The following LIN52 variants were observed in gnomAD, a reference collection of about 807,000 sequenced individuals.
LIN52 encodes the protein protein lin-52 homolog.
A neutral mutation model predicts 18.5 loss-of-function variants in LIN52; 4 were observed. The ratio of observed to expected loss-of-function variants is 0.22; its 90% confidence interval spans 0.11 to 0.49. The LOEUF (loss-of-function observed/expected upper bound fraction) is 0.49, where lower values mean the gene tolerates loss of function less well. LIN52 is among the 20% of genes least tolerant of loss of function. The pLI is 0.97. For synonymous variants in LIN52, 34 were observed against 45.5 expected, an observed-to-expected ratio of 0.75 and a Z score of 1.02; for missense variants, 102 against 139.5, an observed-to-expected ratio of 0.73 and a Z score of 1.35.
At chr14:74,177,346 G>A (rs2139581292) in intron 5 of LIN52, among the ~76,000 whole-genome samples, 1 of 152,228 alleles carries the variant, frequency 6.6e-6, no homozygotes, top group Non-Finnish European at 1.5e-5. Context: ...GAACATTCAT[G>A]TACAAGTTTT....
At chr14:74,087,925 T>C (rs2060745804) in intron 1 of LIN52, among the ~76,000 whole-genome samples, 1 of 152,030 alleles carries the variant, frequency 6.6e-6, no homozygotes, top group Non-Finnish European at 1.5e-5. Context: ...TTTTTTAACT[T>C]TCTTTTAGAG....
intron 5 of LIN52, among the ~76,000 whole-genome samples, chr14:74,169,697 C>A (rs778983594): frequency 2.0e-5 from 3 of 152,134 alleles, no homozygotes; most frequent in South Asian, 2.1e-4. Context: ...TATCATAGTA[C>A]CCCCTTTTAA....
intron 2 of LIN52, among the ~76,000 whole-genome samples, chr14:74,091,773 C>CAAA (rs573705378): frequency 6.1e-5 from 4 of 65,274 alleles, no homozygotes; most frequent in Admixed American, 1.9e-4. Flanking sequence ...GACTCTGTCT[C>CAAA]AAAAAAAAAA....
intron 5 of LIN52, among the ~76,000 whole-genome samples, chr14:74,189,145 C>G (rs574307557): frequency 1.2e-4 from 19 of 152,292 alleles, no homozygotes; most frequent in African/African-American, 4.1e-4. Context: ...GATCAAGTCA[C>G]TTTGACTAGT....
chr14:74,101,264 A>G (rs1418002771), intron 5 of LIN52, 26 bp downstream of exon 5: 6 of 1,552,390 alleles, frequency 3.9e-6, no homozygotes, highest in South Asian at 1.2e-5. Flanking sequence ...GCATTTGTTC[A>G]GGGGTGTATT....
At chr14:74,100,756 A>ACCATGCCTGGT (rs1270751148) in intron 4 of LIN52, among the ~76,000 whole-genome samples, 1 of 152,110 alleles carries the variant, frequency 6.6e-6, no homozygotes, top group Non-Finnish European at 1.5e-5. Flanking sequence ...GATTACAGGC[A>ACCATGCCTGGT]TGAGCCACCA....
intron 5 of LIN52, among the ~76,000 whole-genome samples, chr14:74,112,103 C>G (rs552315255): frequency 3.9e-5 from 6 of 152,302 alleles, no homozygotes; most frequent in African/African-American, 1.4e-4. Context: ...TGGTCTTGAA[C>G]TCCTGAACTC....
chr14:74,121,553 A>G (rs1182851834), intron 5 of LIN52, among the ~76,000 whole-genome samples: 2 of 152,238 alleles, frequency 1.3e-5, no homozygotes, highest in African/African-American at 4.8e-5. Context: ...AAATAGTTAA[A>G]GAAAATAGTT....
intron 1 of LIN52, among the ~76,000 whole-genome samples, chr14:74,090,219 A>G (rs554314424): frequency 2.6e-5 from 4 of 152,080 alleles, no homozygotes; most frequent in African/African-American, 4.8e-5. Context: ...GGGTTTCACT[A>G]TGTTGGCCAG....
chr14:74,095,678 A>G (rs566151198), intron 2 of LIN52, among the ~76,000 whole-genome samples: 10 of 152,284 alleles, frequency 6.6e-5, no homozygotes, highest in Admixed American at 2.0e-4. Flanking sequence ...CCAACCAGCT[A>G]ACTCCTGGTC....
At chr14:74,194,979 T>C (rs977928474) in intron 5 of LIN52, among the ~76,000 whole-genome samples, 1 of 152,104 alleles carries the variant, frequency 6.6e-6, no homozygotes, top group African/African-American at 2.4e-5. Context: ...AACCTGTCTG[T>C]ACCAAAAATA....
chr14:74,195,767 G>T (rs901867474), intron 5 of LIN52, among the ~76,000 whole-genome samples: 2 of 152,150 alleles, frequency 1.3e-5, no homozygotes, highest in Admixed American at 6.5e-5. Flanking sequence ...CACTAGGTTT[G>T]GGGGGGTTCG....
chr14:74,106,472 A>G (rs1180691516), intron 5 of LIN52, among the ~76,000 whole-genome samples: 1 of 152,006 alleles, frequency 6.6e-6, no homozygotes, highest in Non-Finnish European at 1.5e-5. Flanking sequence ...AGGTCTCACT[A>G]TGTTGCCCAG....
At chr14:74,117,537 G>T (rs1013759530) in intron 5 of LIN52, among the ~76,000 whole-genome samples, 1 of 152,044 alleles carries the variant, frequency 6.6e-6, no homozygotes, top group Non-Finnish European at 1.5e-5. Context: ...GAGAACTAAA[G>T]TGATTACAAA....
intron 5 of LIN52, among the ~76,000 whole-genome samples, chr14:74,188,386 G>A (rs993413166): frequency 6.6e-6 from 1 of 152,010 alleles, no homozygotes; most frequent in Non-Finnish European, 1.5e-5. Context: ...GACATTTGAT[G>A]TATCTTGGGC....
intron 5 of LIN52, among the ~76,000 whole-genome samples, chr14:74,103,268 G>A (rs2060871843): frequency 1.3e-5 from 2 of 151,924 alleles, no homozygotes; most frequent in Non-Finnish European, 1.5e-5. Flanking sequence ...TAGTAGAGAT[G>A]GGGTTTCACC....
intron 5 of LIN52, among the ~76,000 whole-genome samples, chr14:74,134,348 T>G (rs2061085658): frequency 6.6e-6 from 1 of 152,190 alleles, no homozygotes; most frequent in Admixed American, 6.5e-5. Flanking sequence ...GTGCTTGCTT[T>G]GATTTGCATT....
chr14:74,184,631 A>T (rs867672568), intron 5 of LIN52, among the ~76,000 whole-genome samples: 1 of 152,216 alleles, frequency 6.6e-6, no homozygotes, highest in African/African-American at 2.4e-5. Context: ...AATAACGGTA[A>T]TGATAATAAC....
intron 5 of LIN52, among the ~76,000 whole-genome samples, chr14:74,104,576 A>G (rs1490184591): frequency 6.8e-6 from 1 of 148,140 alleles, no homozygotes; most frequent in East Asian, 2.0e-4. Context: ...AGAAGCTTGC[A>G]CAGATACAGG....
Sources: gnomAD v4.1 joint callset for allele counts (sites outside exome capture counted in the v4.1 genomes callset) on GRCh38, gnomAD v4.1.1 for gene constraint, MANE v1.5 for transcripts, NCBI Gene and HGNC (gene_info 2026-07-23, HGNC 2026-07-21) for gene names.